Variants in CNTN5 observed in about 807,000 individuals in gnomAD.
CNTN5 encodes the protein contactin 5, also known as contactin-5.
In CNTN5, 77 loss-of-function variants were observed where a neutral mutation model predicts 129.1. The observed-to-expected ratio is 0.60, with a 90% confidence interval of 0.50 to 0.72. The LOEUF (loss-of-function observed/expected upper bound fraction) is 0.72, where lower values mean the gene tolerates loss of function less well. Among genes scored for constraint, CNTN5 ranks in the 30% least tolerant of loss-of-function variants. The pLI is 0.00. For synonymous variants in CNTN5, 509 were observed against 465.6 expected, an observed-to-expected ratio of 1.09 and a Z score of -1.20; for missense variants, 1,478 against 1,328.8, an observed-to-expected ratio of 1.11 and a Z score of -1.75.
intron 3 of CNTN5, among the ~76,000 whole-genome samples, chr11:99,810,397 T>A (rs936069535): frequency 2.0e-5 from 3 of 152,126 alleles, no homozygotes; most frequent in African/African-American, 7.2e-5. Context: ...TGCCGTTAAC[T>A]TTTTTTCTTG....
chr11:99,775,278 T>G (rs904103697), intron 3 of CNTN5, among the ~76,000 whole-genome samples: 2 of 152,100 alleles, frequency 1.3e-5, no homozygotes, highest in Admixed American at 6.6e-5. Context: ...GTCATTTTCA[T>G]TTATGCTTTT....
intron 23 of CNTN5, among the ~76,000 whole-genome samples, chr11:100,342,582 G>C (rs1331439437): frequency 6.6e-6 from 1 of 151,946 alleles, no homozygotes; most frequent in Non-Finnish European, 1.5e-5. Flanking sequence ...CCCAGGCTAG[G>C]TGCCACTACT....
chr11:99,582,771 T>C (rs1180551273), intron 3 of CNTN5, among the ~76,000 whole-genome samples: 4 of 152,140 alleles, frequency 2.6e-5, no homozygotes, highest in Non-Finnish European at 5.9e-5. Context: ...TGGTTCAGAC[T>C]TCCTCCTTTA....
chr11:99,858,020 C>T (rs191172123), intron 6 of CNTN5, among the ~76,000 whole-genome samples: 1 of 152,082 alleles, frequency 6.6e-6, no homozygotes, highest in Non-Finnish European at 1.5e-5. Context: ...AGTGCCACTG[C>T]CATAATTCAT....
chr11:99,773,828 C>T (rs1191284685), intron 3 of CNTN5, among the ~76,000 whole-genome samples: 2 of 152,056 alleles, frequency 1.3e-5, no homozygotes, highest in Non-Finnish European at 2.9e-5. Context: ...ACACAAGGCC[C>T]TTCGTGAGAT....
intron 2 of CNTN5, among the ~76,000 whole-genome samples, chr11:99,515,691 C>T (rs921547277): frequency 6.6e-6 from 1 of 151,912 alleles, no homozygotes; most frequent in Non-Finnish European, 1.5e-5. Context: ...GTGATTTGTA[C>T]ATCAAGATCA....
chr11:99,747,913 T>C (rs1183109721), intron 3 of CNTN5, among the ~76,000 whole-genome samples: 2 of 152,246 alleles, frequency 1.3e-5, no homozygotes, highest in African/African-American at 4.8e-5. Flanking sequence ...TTGAGAGTTG[T>C]TAATCATAAA....
rs144377368 is a variant in CNTN5 at position 99,800,800 on chromosome 11, C to T, written c.56-18744C>T. Among the ~76,000 whole-genome samples the T allele has an allele frequency of 1.7e-4, 26 of 152,126 alleles. 1 individual carries two copies. The East Asian group carries it at 4.4e-3, about 26-fold the overall frequency. Reference sequence around the variant, plus strand: ...TCTTCCTTAAGTCTTTTACACTGAACCTGTGGGTGTTGTTTCATGTGGGAT... The same window carrying T: ...TCTTCCTTAAGTCTTTTACACTGAATCTGTGGGTGTTGTTTCATGTGGGAT... On this transcript the variant is annotated intron_variant, in intron 3 of 24. Transcript: ENST00000524871.
intron 3 of CNTN5, among the ~76,000 whole-genome samples, chr11:99,634,875 C>T (rs1316736367): frequency 6.6e-6 from 1 of 152,180 alleles, no homozygotes; most frequent in Non-Finnish European, 1.5e-5. Context: ...ACCCATAGCA[C>T]CTGTTTGTTC....
intron 3 of CNTN5, among the ~76,000 whole-genome samples, chr11:99,704,133 G>A (rs1954652651): frequency 6.7e-6 from 1 of 150,346 alleles, no homozygotes; most frequent in African/African-American, 2.4e-5. Flanking sequence ...ATGGTTTTCT[G>A]GCCCCCAGTG....
chr11:100,090,389 C>G (rs558430864), intron 13 of CNTN5, among the ~76,000 whole-genome samples: 1 of 152,018 alleles, frequency 6.6e-6, no homozygotes, highest in African/African-American at 2.4e-5. Flanking sequence ...TTTTCTTTTT[C>G]CCTCTGTCCC....
At chr11:99,922,276 C>T (rs1343124511) in intron 7 of CNTN5, among the ~76,000 whole-genome samples, 1 of 152,158 alleles carries the variant, frequency 6.6e-6, no homozygotes, top group Admixed American at 6.5e-5. Context: ...GGGAAAAATT[C>T]ACCCCCATGA....
chr11:99,345,469 C>T (rs965022241), intron 2 of CNTN5, among the ~76,000 whole-genome samples: 28 of 152,260 alleles, frequency 1.8e-4, no homozygotes, highest in Non-Finnish European at 3.4e-4. Context: ...GCCCTCATCC[C>T]TGTGGTGGAT....
chr11:99,821,434 G>A (rs1425379228), intron 4 of CNTN5, among the ~76,000 whole-genome samples: 3 of 151,916 alleles, frequency 2.0e-5, no homozygotes, highest in African/African-American at 7.3e-5. Context: ...AAGAAAATCT[G>A]GTCAGTTACA....
At chr11:100,127,699 C>T (rs67885470) in intron 13 of CNTN5, among the ~76,000 whole-genome samples, 23,635 of 129,614 alleles carry the variant, frequency 0.18, 2,394 homozygotes, top group Middle Eastern at 0.38. Context: ...TCTCTTGTCA[C>T]CCAGGCTGGA....
intron 8 of CNTN5, among the ~76,000 whole-genome samples, chr11:99,982,361 T>C (rs780165229): frequency 6.6e-6 from 1 of 152,140 alleles, no homozygotes; most frequent in Non-Finnish European, 1.5e-5. Context: ...AATGCTATTT[T>C]AGAAAGATAA....
chr11:100,287,011 G>C (rs1445568811), intron 18 of CNTN5, among the ~76,000 whole-genome samples: 1 of 152,014 alleles, frequency 6.6e-6, no homozygotes, highest in Non-Finnish European at 1.5e-5. Context: ...TATCAGCAAT[G>C]GAAGATGAAA....
chr11:99,694,992 C>T (rs1954208104), intron 3 of CNTN5, among the ~76,000 whole-genome samples: 1 of 152,082 alleles, frequency 6.6e-6, no homozygotes, highest in South Asian at 2.1e-4. Flanking sequence ...AAACTCAGTT[C>T]TGTCGAACAC....
chr11:99,325,473 T>C lies in CNTN5; in HGVS notation c.-82T>C, dbSNP rs1407939638. 6.6e-6 allele frequency: 1 copy of C among 152,164 alleles called. No individual in the cohort carries two copies. The highest frequency in any genetic ancestry group is 1.5e-5 in the Non-Finnish European group (1 of 68,026). The allele number at this position is 152,164 out of a possible 1,614,324, so 9.4% of individuals were successfully genotyped here. A position where few individuals can be genotyped will look rare whatever the true frequency, so the allele number is the denominator to read the frequency against. The stretch of plus-strand genomic sequence containing the variant: ...TCAAGAGCATACTTTGGACCCTGTT[T>C]TCAGAAAGCAGGTATGGTTCATCTT... On this transcript the variant is annotated 5_prime_UTR_variant, in exon 2 of 25. Coordinates refer to ENST00000524871, the MANE Select transcript of CNTN5 (RefSeq NM_014361.4).
Sources: gnomAD v4.1 joint callset for allele counts (sites outside exome capture counted in the v4.1 genomes callset) on GRCh38, gnomAD v4.1.1 for gene constraint, MANE v1.5 for transcripts, NCBI Gene and HGNC (gene_info 2026-07-23, HGNC 2026-07-21) for gene names.